LRRC61: variants seen among roughly 807,000 people sequenced by gnomAD.
LRRC61 encodes the protein leucine rich repeat containing 61.
Under a neutral mutation model 15.1 loss-of-function variants are expected in LRRC61, and 9 were observed. That is an observed-to-expected ratio of 0.60 (90% CI 0.36 to 1.04). The LOEUF is 1.04. LRRC61 is among the 50% of genes least tolerant of loss of function. LRRC61 has a pLI of 0.01. For missense variants in LRRC61, 344 were observed against 335.6 expected (o/e 1.03, Z -0.20); for synonymous variants, 173 against 158.6 (o/e 1.09, Z -0.68).
In LRRC61 at chr7:150,337,192, AC is replaced by A. The variant is rs761553240; in HGVS notation, c.335del (p.Pro112ArgfsTer46). 8 of 1,606,588 alleles carry A rather than the reference AC, an allele frequency of 5.0e-6. No individual in the cohort carries two copies. The highest frequency in any genetic ancestry group is 6.8e-6 in the Non-Finnish European group (8 of 1,179,644). On this transcript the variant is annotated frameshift_variant, in exon 3 of 3. Transcript: ENST00000359623. LOFTEE classifies it high-confidence loss of function. ...SLNAAGNLLA[T>X]PGQLQCLAGL... ...CAATGCCGCAGGCAACCTACTGGCC[AC>A]CCCGGGCCAGCTGCAGTGTCTGGCT...
the LRRC61 span, among the ~76,000 whole-genome samples, chr7:150,310,112 G>C: frequency 6.6e-6 from 1 of 152,002 alleles, no homozygotes; most frequent in Non-Finnish European, 1.5e-5. Flanking sequence ...CCCTTATTAG[G>C]CTGAGACATT....
chr7:150,329,344 G>A (rs780698652), intron 2 of LRRC61, among the ~76,000 whole-genome samples: 5 of 152,372 alleles, frequency 3.3e-5, no homozygotes, highest in African/African-American at 1.2e-4. Context: ...ATGCACGGAC[G>A]TATCGGTGAC....
the LRRC61 span, among the ~76,000 whole-genome samples, chr7:150,311,579 T>C: frequency 6.6e-6 from 1 of 152,208 alleles, no homozygotes; most frequent in Admixed American, 6.5e-5. Context: ...TCAACCCAGC[T>C]TCTCACTTAG....
At position 150,335,069 on chromosome 7, in the gene LRRC61, A is replaced by C. The variant is rs1798246776; in HGVS notation, c.-144-1649A>C. On this transcript the variant is annotated intron_variant, in intron 2 of 2. Coordinates refer to ENST00000359623, the MANE Select transcript of LRRC61 (RefSeq NM_001142928.2). The surrounding 1 kb of genome is among the most constrained non-coding windows in gnomAD (Gnocchi z 4.3). ...AAAAAGAAAAAAAGGAGCCCCTGGC[A>C]TACAGTCACCCAGCAAGATTCCCCA... Among the ~76,000 whole-genome samples, 1 of 150,258 alleles carries C rather than the reference A, an allele frequency of 6.7e-6. No homozygotes were observed.
chr7:150,319,795 TTC>T (rs1207510339), upstream of LRRC61, among the ~76,000 whole-genome samples: 2 of 152,178 alleles, frequency 1.3e-5, no homozygotes, highest in African/African-American at 2.4e-5. Context: ...ACTTCCCACT[TTC>T]TGTCACCCCT....
intron 2 of LRRC61, among the ~76,000 whole-genome samples, chr7:150,328,121 A>G (rs1391121857): frequency 3.9e-5 from 6 of 152,190 alleles, no homozygotes; most frequent in South Asian, 4.1e-4. Flanking sequence ...AGAATTCAAT[A>G]TATGCGTGTG....
In LRRC61 at chr7:150,335,346, A is replaced by C. The variant is rs778235869; in HGVS notation, c.-144-1372A>C. Among the ~76,000 whole-genome samples, 1 of 152,252 alleles carries C rather than the reference A, an allele frequency of 6.6e-6. No homozygotes were observed. Among genetic ancestry groups the C allele is most frequent in the Non-Finnish European group, 1.5e-5 (1 of 68,050 alleles). On this transcript the variant is annotated intron_variant, in intron 2 of 2. Coordinates refer to ENST00000359623, the MANE Select transcript of LRRC61 (RefSeq NM_001142928.2). The surrounding 1 kb of genome is among the most constrained non-coding windows in gnomAD (Gnocchi z 4.3). ...ATGCTTCCAGTCTCTTTTGGAAAGT[A>C]TATATAAATATTTGAGGTATAAATA...
chr7:150,334,009 T>C (rs1798199788), intron 2 of LRRC61: 1 of 985,084 alleles, frequency 1.0e-6, no homozygotes, highest in East Asian at 1.1e-4. Flanking sequence ...GGGCTGTGTG[T>C]TGGAGGGCAA....
rs946668573 is a variant in LRRC61, at chr7:150,333,417, C to T, written c.-144-3301C>T. Among the ~76,000 whole-genome samples the T allele has an allele frequency of 3.3e-5, 5 of 152,224 alleles. No individual in the cohort carries two copies. The highest frequency in any genetic ancestry group is 6.5e-5 in the Admixed American group (1 of 15,286). On this transcript the variant is annotated intron_variant, in intron 2 of 2. Transcript: ENST00000359623. This position sits in a 1 kb window ranked among gnomAD's most constrained non-coding sequence, Gnocchi z 4.3. The stretch of plus-strand genomic sequence containing the variant: ...ACCCTCCAATGTGCAGGACGGCCTC[C>T]ACAACCAAGGCTCAGCCTGCCCAGA...
chr7:150,325,353 C>A (rs980787728), intron 1 of LRRC61, among the ~76,000 whole-genome samples: 6 of 152,254 alleles, frequency 3.9e-5, no homozygotes, highest in African/African-American at 1.4e-4. Context: ...ACATGATCGA[C>A]TATGGGCAGG....
At position 150,336,945 on chromosome 7, in the gene LRRC61, C is replaced by A; in HGVS notation, c.84C>A (p.Phe28Leu). Residue 28 changes from phenylalanine to leucine, a missense_variant, in exon 3 of 3, where the codon TTC becomes TTA. Coordinates refer to ENST00000359623, the MANE Select transcript of LRRC61 (RefSeq NM_001142928.2). The part of the protein sequence containing the change: ...PQLLKSRTGE[F>L]SLESILLLKL... Reference sequence around the variant, plus strand: ...TGCTGAAGTCACGCACAGGCGAGTTCTCCCTGGAGTCCATCCTGCTACTGA... The same window carrying A: ...TGCTGAAGTCACGCACAGGCGAGTTATCCCTGGAGTCCATCCTGCTACTGA... The A allele has an allele frequency of 6.2e-7, 1 of 1,613,958 alleles. No individual in the cohort carries two copies. Among genetic ancestry groups the A allele is most frequent in the South Asian group, 1.1e-5 (1 of 91,092 alleles).
the LRRC61 span, among the ~76,000 whole-genome samples, chr7:150,316,532 C>A: frequency 3.0e-5 from 4 of 133,732 alleles, no homozygotes; most frequent in Admixed American, 1.7e-4. Context: ...TGTTGCCAGG[C>A]GGGAGTGCAG....
chr7:150,323,313 G>C, upstream of LRRC61: 1 of 261,248 alleles, frequency 3.8e-6, no homozygotes, highest in Non-Finnish European at 7.6e-6. Flanking sequence ...AATCCAGAGC[G>C]CCCACTACGG....
rs754843189 is a variant in LRRC61 at position 150,337,174 on chromosome 7, G to T, written c.313G>T (p.Ala105Ser). The T allele has an allele frequency of 1.2e-6, 2 of 1,609,188 alleles. No individual in the cohort carries two copies. Among genetic ancestry groups the T allele is most frequent in the East Asian group, 4.5e-5 (2 of 44,884 alleles). ...TGAGAACTTGCAGAGTCTCAATGCC[G>T]CAGGCAACCTACTGGCCACCCCGGG... ...TCENLQSLNAAGNLLATPGQL... is the reference protein window; with the variant it reads ...TCENLQSLNASGNLLATPGQL... The change falls in exon 3 of 3, where the codon GCA becomes TCA. Residue 105 changes from alanine to serine, a missense_variant. Transcript: ENST00000359623.
chr7:150,332,121 C>T (rs928232014), intron 2 of LRRC61: 3 of 167,154 alleles, frequency 1.8e-5, no homozygotes, highest in Admixed American at 1.3e-4. Context: ...CCTGCTTGTC[C>T]TGGACCACTT....
the LRRC61 span, among the ~76,000 whole-genome samples, chr7:150,317,738 T>C: frequency 3.3e-5 from 5 of 152,200 alleles, no homozygotes; most frequent in African/African-American, 1.2e-4. Flanking sequence ...GCTAAGAAAA[T>C]AGGCATCTAT....
At chr7:150,316,770 C>CACCACGCCTCCT in the LRRC61 span, among the ~76,000 whole-genome samples, 1 of 152,188 alleles carries the variant, frequency 6.6e-6, no homozygotes, top group Admixed American at 6.5e-5. Context: ...AGGCATGAGC[C>CACCACGCCTCCT]ACCACGCCTG....
At chr7:150,317,824 A>G in the LRRC61 span, among the ~76,000 whole-genome samples, 1 of 152,040 alleles carries the variant, frequency 6.6e-6, no homozygotes. Context: ...AGCTGAGGAA[A>G]TGGATTATGA....
chr7:150,329,236 T>C (rs1223960011), intron 2 of LRRC61, among the ~76,000 whole-genome samples: 1 of 152,188 alleles, frequency 6.6e-6, no homozygotes, highest in Non-Finnish European at 1.5e-5. Context: ...TGCCGACTTA[T>C]CCCTGAGGTT....
Sources: gnomAD v4.1 joint callset for allele counts (sites outside exome capture counted in the v4.1 genomes callset) on GRCh38, gnomAD v4.1.1 for gene constraint, Gnocchi (gnomAD v3.1) non-coding constraint, MANE v1.5 for transcripts, NCBI Gene and HGNC (gene_info 2026-07-23, HGNC 2026-07-21) for gene names.